Variants in SDK1 observed in about 807,000 individuals in gnomAD.
SDK1 encodes the protein sidekick cell adhesion molecule 1.
In SDK1, 157 loss-of-function variants were observed where a neutral mutation model predicts 245.5. That is an observed-to-expected ratio of 0.64 (90% CI 0.56 to 0.73). SDK1 has a LOEUF of 0.73. Ranked by LOEUF, SDK1 falls within the 30% of genes least tolerant of loss-of-function variation. SDK1 has a pLI of 0.00. For synonymous variants in SDK1, 1,647 were observed against 1,278.5 expected, an observed-to-expected ratio of 1.29 and a Z score of -6.15; for missense variants, 3,583 against 3,002.3, an observed-to-expected ratio of 1.19 and a Z score of -4.52.
At chr7:3,425,515 T>G (rs769684644) in intron 1 of SDK1, among the ~76,000 whole-genome samples, 5 of 152,210 alleles carry the variant, frequency 3.3e-5, no homozygotes, top group Non-Finnish European at 7.3e-5. Flanking sequence ...TGTTAGATAC[T>G]TTAGAATTCA....
intron 16 of SDK1, among the ~76,000 whole-genome samples, chr7:4,012,526 A>T (rs1333428309): frequency 7.7e-6 from 1 of 130,574 alleles, no homozygotes; most frequent in Non-Finnish European, 1.6e-5. Flanking sequence ...GGTTGGAAGC[A>T]AGGTATATTG....
intron 4 of SDK1, among the ~76,000 whole-genome samples, chr7:3,673,231 G>C (rs1341791628): frequency 6.6e-6 from 1 of 152,128 alleles, no homozygotes. Flanking sequence ...TGATAGAATG[G>C]AAGTGTAAAT....
At chr7:4,011,221 C>A (rs1366778351) in intron 15 of SDK1, 108 bp downstream of exon 15, 1 of 1,378,556 alleles carries the variant, frequency 7.3e-7, no homozygotes, top group Non-Finnish European at 9.8e-7. Context: ...CCGCTGGCTT[C>A]CCTCAGGGAG....
chr7:3,367,239 G>A (rs969164503), intron 1 of SDK1, among the ~76,000 whole-genome samples: 1 of 151,772 alleles, frequency 6.6e-6, no homozygotes, highest in Non-Finnish European at 1.5e-5. Context: ...ATTTGTCATC[G>A]TTGTAATTTC....
At chr7:3,993,120 T>G (rs1784463330) in intron 14 of SDK1, among the ~76,000 whole-genome samples, 1 of 152,246 alleles carries the variant, frequency 6.6e-6, no homozygotes, top group South Asian at 2.1e-4. Flanking sequence ...TCTTAAAAAT[T>G]TATTCTTTCA....
intron 1 of SDK1, among the ~76,000 whole-genome samples, chr7:3,393,020 T>C (rs6462061): frequency 6.9e-6 from 1 of 144,680 alleles, no homozygotes. Context: ...CCCCAGGCTG[T>C]AGTACAGTGG....
chr7:3,607,660 A>G (rs535623609), intron 1 of SDK1, among the ~76,000 whole-genome samples: 13 of 152,380 alleles, frequency 8.5e-5, no homozygotes, highest in African/African-American at 3.1e-4. Flanking sequence ...TCTTTGGCTT[A>G]ATAGTTAGTG....
intron 4 of SDK1, among the ~76,000 whole-genome samples, chr7:3,756,737 A>C (rs938390026): frequency 1.3e-5 from 2 of 152,042 alleles, no homozygotes; most frequent in Non-Finnish European, 2.9e-5. Context: ...ACCCTTTTGA[A>C]GAGTCCTCGT....
intron 1 of SDK1, among the ~76,000 whole-genome samples, chr7:3,408,701 T>C (rs1779115670): frequency 6.6e-6 from 1 of 152,208 alleles, no homozygotes. Flanking sequence ...TTATTTTTTA[T>C]ATGTTGGACA....
intron 43 of SDK1, among the ~76,000 whole-genome samples, chr7:4,244,705 A>G (rs1293706814): frequency 1.3e-5 from 2 of 152,200 alleles, no homozygotes; most frequent in Non-Finnish European, 2.9e-5. Flanking sequence ...CATGGGTGTA[A>G]TCCAGGTGTA....
At chr7:4,011,226 A>G in intron 15 of SDK1, 113 bp downstream of exon 15, 1 of 1,345,316 alleles carries the variant, frequency 7.4e-7, no homozygotes. Context: ...GGCTTCCCTC[A>G]GGGAGACGGG....
At chr7:3,899,884 C>G (rs1403082279) in intron 5 of SDK1, among the ~76,000 whole-genome samples, 1 of 152,258 alleles carries the variant, frequency 6.6e-6, no homozygotes, top group Non-Finnish European at 1.5e-5. Context: ...ACCTGGCACA[C>G]AGCTCTGCTG....
At chr7:3,467,842 T>A (rs1375194213) in intron 1 of SDK1, among the ~76,000 whole-genome samples, 10 of 152,184 alleles carry the variant, frequency 6.6e-5, no homozygotes, top group Admixed American at 6.5e-4. Flanking sequence ...CATTAGACTT[T>A]ATTAGCTTGT....
chr7:3,993,409 C>T (rs1583762835), intron 14 of SDK1, among the ~76,000 whole-genome samples: 2 of 152,010 alleles, frequency 1.3e-5, no homozygotes, highest in Non-Finnish European at 2.9e-5. Flanking sequence ...TAAATGCTTG[C>T]AGGTAACAAA....
At chr7:3,950,832 C>A in intron 5 of SDK1, 91 bp from the exon 6 acceptor site, 1 of 920,566 alleles carries the variant, frequency 1.1e-6, no homozygotes, top group African/African-American at 1.6e-5. Flanking sequence ...TTAGGTATCC[C>A]CGGGGGTCTT....
intron 17 of SDK1, among the ~76,000 whole-genome samples, chr7:4,043,675 A>G (rs973764494): frequency 1.3e-5 from 2 of 152,248 alleles, no homozygotes; most frequent in African/African-American, 4.8e-5. Context: ...GCAAAGGTAC[A>G]GACGTCCTCT....
intron 5 of SDK1, among the ~76,000 whole-genome samples, chr7:3,859,164 TA>T (rs1780623320): frequency 6.6e-6 from 1 of 152,046 alleles, no homozygotes; most frequent in Non-Finnish European, 1.5e-5. Context: ...GCCCGGCCCA[TA>T]TTTTTCTTTT....
intron 5 of SDK1, among the ~76,000 whole-genome samples, chr7:3,918,920 C>A (rs1387436499): frequency 6.6e-6 from 1 of 152,136 alleles, no homozygotes; most frequent in Non-Finnish European, 1.5e-5. Context: ...CATTTCACTG[C>A]TTTTCAGATT....
intron 4 of SDK1, among the ~76,000 whole-genome samples, chr7:3,757,203 G>T (rs1779957000): frequency 6.6e-6 from 1 of 152,070 alleles, no homozygotes; most frequent in Non-Finnish European, 1.5e-5. Context: ...ACTTTGAATC[G>T]GGGTTCCCAA....
Sources: gnomAD v4.1 joint callset for allele counts (sites outside exome capture counted in the v4.1 genomes callset) on GRCh38, gnomAD v4.1.1 for gene constraint, MANE v1.5 for transcripts, NCBI Gene and HGNC (gene_info 2026-07-23, HGNC 2026-07-21) for gene names.